RPS6KA2: variants seen among roughly 807,000 people sequenced by gnomAD.
RPS6KA2 encodes the protein ribosomal protein S6 kinase A2, also known as ribosomal protein S6 kinase alpha-2.
In RPS6KA2, 42 loss-of-function variants were observed where a neutral mutation model predicts 91.8. The observed-to-expected ratio is 0.46, with a 90% CI of 0.36 to 0.59. The LOEUF is 0.59. RPS6KA2 is among the 20% of genes least tolerant of loss of function. RPS6KA2 has a pLI of 0.00. For synonymous variants in RPS6KA2, 414 were observed against 393.6 expected, an observed-to-expected ratio of 1.05 and a Z score of -0.61; for missense variants, 798 against 978.5, an observed-to-expected ratio of 0.82 and a Z score of 2.46.
At chr6:166,606,252 AG>A (rs1785951604) in intron 1 of RPS6KA2, among the ~76,000 whole-genome samples, 1 of 152,254 alleles carries the variant, frequency 6.6e-6, no homozygotes, top group South Asian at 2.1e-4. Flanking sequence ...TGCTTGCACG[AG>A]AGGTAAAATG....
At chr6:166,843,290 T>C (rs1379963437) in intron 2 of RPS6KA2, among the ~76,000 whole-genome samples, 1 of 152,184 alleles carries the variant, frequency 6.6e-6, no homozygotes, top group African/African-American at 2.4e-5. Context: ...TTTCTCTACC[T>C]GCCTTGGTAG....
chr6:166,856,956 G>A (rs972263118), intron 2 of RPS6KA2, among the ~76,000 whole-genome samples: 2 of 152,242 alleles, frequency 1.3e-5, no homozygotes, highest in Non-Finnish European at 1.5e-5. Flanking sequence ...CAGCTGGATC[G>A]CTGCGCAGCT....
chr6:166,538,588 A>AATTTT, intron 2 of RPS6KA2, 80 bp downstream of exon 2: 1 of 809,730 alleles, frequency 1.2e-6, no homozygotes, highest in Non-Finnish European at 2.1e-6. Flanking sequence ...ACCGCCTGCA[A>AATTTT]TTTTCATCCA....
intron 2 of RPS6KA2, among the ~76,000 whole-genome samples, chr6:166,647,109 C>T (rs1337910106): frequency 6.6e-6 from 1 of 152,180 alleles, no homozygotes; most frequent in African/African-American, 2.4e-5. Flanking sequence ...AGAAATCGTT[C>T]TGAGTCATGC....
chr6:166,777,309 T>C (rs1778648913), intron 2 of RPS6KA2, among the ~76,000 whole-genome samples: 1 of 152,212 alleles, frequency 6.6e-6, no homozygotes, highest in African/African-American at 2.4e-5. Flanking sequence ...GAATTCATAA[T>C]GACAAGGGTG....
intron 2 of RPS6KA2, among the ~76,000 whole-genome samples, chr6:166,749,921 G>C (rs904473777): frequency 2.0e-5 from 3 of 151,532 alleles, no homozygotes; most frequent in Non-Finnish European, 4.4e-5. Flanking sequence ...GGCTGGGCAA[G>C]GGGAAGGGGG....
chr6:166,432,290 C>T, intron 15 of RPS6KA2, 111 bp downstream of exon 15: 1 of 716,552 alleles, frequency 1.4e-6, no homozygotes, highest in East Asian at 2.7e-5. Context: ...TGGTGGAAAC[C>T]AGCTGAGACA....
At chr6:166,634,274 G>A (rs571900435) in intron 2 of RPS6KA2, among the ~76,000 whole-genome samples, 47 of 152,284 alleles carry the variant, frequency 3.1e-4, no homozygotes, top group African/African-American at 1.1e-3. Flanking sequence ...CAGTGATGGA[G>A]AGCAAGAGGC....
rs144886529 is a variant in RPS6KA2 at position 166,698,048 on chromosome 6, G to T, written c.124-159264C>A. On this transcript the variant is annotated intron_variant, in intron 2 of 21. Transcript: ENST00000503859. ...GGATTTGCTGTGCAGAGAAGAGAGT[G>T]ACTGTAAGGACTGGGGTCCGGCTGG... 8.1e-3 allele frequency among the ~76,000 whole-genome samples: 1,229 copies of T among 152,326 alleles called. 10 individuals are homozygous for T. Among genetic ancestry groups the T allele is most frequent in the Non-Finnish European group, 0.012 (805 of 68,042 alleles).
chr6:166,706,307 A>T (rs1789680180), intron 2 of RPS6KA2, among the ~76,000 whole-genome samples: 1 of 152,244 alleles, frequency 6.6e-6, no homozygotes, highest in African/African-American at 2.4e-5. Flanking sequence ...CCAACCCAAA[A>T]AACAGGCCAG....
Position 166,741,016 on chromosome 6 carries a change from A to G in RPS6KA2, c.123+117184T>C, listed in dbSNP as rs75031939. Among the ~76,000 whole-genome samples, 594 of 152,388 alleles carry G rather than the reference A, an allele frequency of 3.9e-3. 3 individuals are homozygous for G. Among genetic ancestry groups the G allele is most frequent in the African/African-American group, 0.014 (572 of 41,594 alleles). The stretch of plus-strand genomic sequence containing the variant: ...CCATGCCTACATGCACAACTGCCAG[A>G]CACATGCAGCAACGTTCAACAGCCC... On this transcript the variant is annotated intron_variant, in intron 2 of 21. Transcript: ENST00000503859.
In RPS6KA2 at chr6:166,445,347, T is replaced by C. The variant is rs1779644119; in HGVS notation, c.1332+3377A>G. ...GAAGAAGAAAAACTCCATCCCCATC[T>C]CCAAAATATCAACCTCCTGGCCTTT... is the stretch of plus-strand genomic sequence containing the variant. On this transcript the variant is annotated intron_variant, in intron 14 of 20. Coordinates refer to ENST00000265678, the MANE Select transcript of RPS6KA2 (RefSeq NM_021135.6). This position sits in a 1 kb window ranked among gnomAD's most constrained non-coding sequence, Gnocchi z 4.5. 6.6e-6 allele frequency among the ~76,000 whole-genome samples: 1 copy of C among 152,138 alleles called. No individual in the cohort carries two copies. Among genetic ancestry groups the C allele is most frequent in the African/African-American group, 2.4e-5 (1 of 41,424 alleles).
At chr6:166,861,422 C>A (rs938455098) in intron 1 of RPS6KA2, among the ~76,000 whole-genome samples, 17 of 152,136 alleles carry the variant, frequency 1.1e-4, no homozygotes, top group Non-Finnish European at 2.5e-4. Context: ...TGTATGTTGA[C>A]CATCTCCAAT....
chr6:166,742,286 G>T (rs900858240), intron 2 of RPS6KA2, among the ~76,000 whole-genome samples: 1 of 152,164 alleles, frequency 6.6e-6, no homozygotes. Flanking sequence ...GTGAACAAAG[G>T]CAGCTCAAGA....
chr6:166,725,211 G>T (rs1379231437), intron 2 of RPS6KA2, among the ~76,000 whole-genome samples: 2 of 151,926 alleles, frequency 1.3e-5, no homozygotes, highest in East Asian at 3.9e-4. Flanking sequence ...TTAAAGAAAG[G>T]CTTATGTTTT....
At chr6:166,497,680 A>G (rs1190225668) in intron 8 of RPS6KA2, among the ~76,000 whole-genome samples, 1 of 152,182 alleles carries the variant, frequency 6.6e-6, no homozygotes, top group African/African-American at 2.4e-5. Flanking sequence ...GGGGTTCCCT[A>G]GCAAGGGGAC....
intron 1 of RPS6KA2, among the ~76,000 whole-genome samples, chr6:166,553,529 A>G (rs1189312319): frequency 3.4e-5 from 5 of 147,054 alleles, no homozygotes; most frequent in African/African-American, 1.0e-4. Flanking sequence ...AAAAAAAAAA[A>G]GGCACCCACT....
chr6:166,556,408 TC>T (rs1156497083), intron 1 of RPS6KA2, among the ~76,000 whole-genome samples: 1 of 152,184 alleles, frequency 6.6e-6, no homozygotes, highest in African/African-American at 2.4e-5. Context: ...AAATGGTCAT[TC>T]CCATAGCCAC....
At chr6:166,676,461 C>T (rs1583009453) in intron 2 of RPS6KA2, among the ~76,000 whole-genome samples, 1 of 152,198 alleles carries the variant, frequency 6.6e-6, no homozygotes, top group Non-Finnish European at 1.5e-5. Flanking sequence ...GCAAGTCCAC[C>T]CTGTGATTCC....
Sources: gnomAD v4.1 joint callset for allele counts (sites outside exome capture counted in the v4.1 genomes callset) on GRCh38, gnomAD v4.1.1 for gene constraint, Gnocchi (gnomAD v3.1) non-coding constraint, MANE v1.5 for transcripts, NCBI Gene and HGNC (gene_info 2026-07-23, HGNC 2026-07-21) for gene names.